UBE4B: variants seen among roughly 807,000 people sequenced by gnomAD.
UBE4B encodes ubiquitin conjugation factor E4 B.
Under a neutral mutation model 148.1 loss-of-function variants are expected in UBE4B, and 27 were observed. The ratio of observed to expected loss-of-function variants is 0.18; its 90% CI spans 0.13 to 0.25. The LOEUF (loss-of-function observed/expected upper bound fraction) is 0.25, where lower values mean the gene tolerates loss of function less well. UBE4B is among the 10% of genes least tolerant of loss of function. The pLI is 1.00. For missense variants in UBE4B, 1,170 were observed against 1,662.4 expected, an observed-to-expected ratio of 0.70 and a Z score of 5.15; for synonymous variants, 596 against 619.3, an observed-to-expected ratio of 0.96 and a Z score of 0.56.
At position 10,178,718 on chromosome 1, in the gene UBE4B, A is replaced by C. The variant is rs539805973; in HGVS notation, c.3600A>C (p.Ala1200=). Residue 1200 remains alanine (A), a synonymous_variant, in exon 26 of 28, where the codon GCA becomes GCC. Transcript: ENST00000343090. The part of the protein sequence containing the change: ...MRKAGIKSTI[A]IEKFKLLAEK... ...AGGCAGGGATCAAATCCACAATAGC[A>C]ATAGAAAAATTTAAGCTGCTCGCCG... The C allele has an allele frequency of 6.2e-7, 1 of 1,613,998 alleles. No individual in the cohort carries two copies. The highest frequency in any genetic ancestry group is 1.7e-5 in the Admixed American group (1 of 59,940).
chr1:10,061,437 A>C (rs1372491853), intron 1 of UBE4B, among the ~76,000 whole-genome samples: 1 of 151,898 alleles, frequency 6.6e-6, no homozygotes, highest in Non-Finnish European at 1.5e-5. Context: ...TATATTTTTT[A>C]TTAGAGACGG....
chr1:10,107,181 T>G lies in UBE4B; in HGVS notation c.1196+598T>G, dbSNP rs1645126911. On this transcript the variant is annotated intron_variant, in intron 7 of 27. Coordinates refer to ENST00000343090, the MANE Select transcript of UBE4B (RefSeq NM_001105562.3). Reference sequence around the variant, plus strand: ...AAAAGCTTCTCCCCGTCTTGTTTTTTCTTTGTTCTCTGATGGCCTTTTTTG... The same window carrying G: ...AAAAGCTTCTCCCCGTCTTGTTTTTGCTTTGTTCTCTGATGGCCTTTTTTG... 2.3e-6 allele frequency: 3 copies of G among 1,288,900 alleles called. No individual in the cohort carries two copies. The South Asian group carries it at 3.7e-5, about 16-fold the overall frequency. 79.8% of individuals were successfully genotyped at this position (1,288,900 alleles called of 1,614,324 possible).
At chr1:10,133,825 G>T (rs553693297) in intron 15 of UBE4B, among the ~76,000 whole-genome samples, 1 of 152,248 alleles carries the variant, frequency 6.6e-6, no homozygotes, top group Non-Finnish European at 1.5e-5. Flanking sequence ...TGAGGCAAGA[G>T]GATCACTTGA....
At chr1:10,098,802 C>G (rs536429180) in intron 3 of UBE4B, among the ~76,000 whole-genome samples, 15 of 152,294 alleles carry the variant, frequency 9.8e-5, no homozygotes, top group African/African-American at 2.4e-4. Context: ...CTCTCCTATT[C>G]AGTGGTGAGA....
intron 5 of UBE4B, among the ~76,000 whole-genome samples, chr1:10,104,346 C>A (rs906264140): frequency 2.0e-5 from 3 of 152,100 alleles, no homozygotes; most frequent in African/African-American, 7.2e-5. Flanking sequence ...ATTTGGAACG[C>A]AGAAGAGGTA....
At position 10,117,484 on chromosome 1, in the gene UBE4B, A is replaced by G. The variant is rs372287496; in HGVS notation, c.1222A>G (p.Asn408Asp). Residue 408 changes from asparagine to aspartate, a missense_variant, in exon 8 of 28, where the codon AAT (asparagine) becomes GAT (aspartate). Asn to Asp is a conservative substitution (Grantham distance 23). This residue lies in a region of UBE4B where 388 missense variants were observed against 536.0 expected (regional missense o/e 0.72). Transcript: ENST00000343090. ...TTTGGGAGCCTCTGGTGGAGCAAGTAATTGGGATTCCTACAGTGACCATTT... is the reference window on the plus strand; with the variant it reads ...TTTGGGAGCCTCTGGTGGAGCAAGTGATTGGGATTCCTACAGTGACCATTT... ...PSLGASGGASNWDSYSDHFTI... is the reference protein window; with the variant it reads ...PSLGASGGASDWDSYSDHFTI... 5 of 1,611,916 alleles carry G rather than the reference A, an allele frequency of 3.1e-6. No individual in the cohort carries two copies. Among genetic ancestry groups the G allele is most frequent in the East Asian group, 2.2e-5 (1 of 44,888 alleles).
chr1:10,091,817 C>T (rs564624773), intron 2 of UBE4B, among the ~76,000 whole-genome samples: 3 of 152,266 alleles, frequency 2.0e-5, no homozygotes, highest in African/African-American at 4.8e-5. Context: ...GTTGGTCAGG[C>T]TGGTCTCTAA....
intron 1 of UBE4B, among the ~76,000 whole-genome samples, chr1:10,057,222 G>C (rs1644190140): frequency 6.6e-6 from 1 of 152,028 alleles, no homozygotes; most frequent in Admixed American, 6.6e-5. Flanking sequence ...GTTCTCACCA[G>C]CTGGCAGAAT....
intron 1 of UBE4B, among the ~76,000 whole-genome samples, chr1:10,058,208 G>A (rs1235246138): frequency 6.6e-6 from 1 of 152,210 alleles, no homozygotes; most frequent in Admixed American, 6.5e-5. Flanking sequence ...ATTCTTTGGA[G>A]AAGAAATGTG....
At chr1:10,113,778 G>C (rs1430250885) in intron 7 of UBE4B, among the ~76,000 whole-genome samples, 5 of 151,840 alleles carry the variant, frequency 3.3e-5, no homozygotes, top group Non-Finnish European at 7.4e-5. Context: ...AACATAAGAT[G>C]CTTTTCGGCC....
intron 3 of UBE4B, among the ~76,000 whole-genome samples, chr1:10,095,875 G>A (rs1194320503): frequency 6.6e-6 from 1 of 152,178 alleles, no homozygotes; most frequent in African/African-American, 2.4e-5. Flanking sequence ...AGGTTCAAGT[G>A]ATTCTCCTGC....
chr1:10,103,626 GTTTTTGTTTTTTTT>G (rs1645053677), intron 5 of UBE4B, among the ~76,000 whole-genome samples: 1 of 117,080 alleles, frequency 8.5e-6, no homozygotes, highest in African/African-American at 3.2e-5. Flanking sequence ...TGTTTGTTTT[GTTTTTGTTTTTTTT>G]TTTTTTTTTG....
chr1:10,130,472 T>C lies in UBE4B; in HGVS notation c.1696-28T>C, dbSNP rs559691952. The C allele has an allele frequency of 2.6e-5, 41 of 1,600,952 alleles. 1 individual carries two copies. In the South Asian group the frequency reaches 4.0e-4, roughly 15 times the overall value. ...TTACCCCACCGGCCTGTTCAGCGGCTTGACTGGCTCTTCCATCTTCTGCCT... is the reference window on the plus strand; with the variant it reads ...TTACCCCACCGGCCTGTTCAGCGGCCTGACTGGCTCTTCCATCTTCTGCCT... On this transcript the variant is annotated intron_variant, in intron 12 of 27. Coordinates refer to ENST00000343090, the MANE Select transcript of UBE4B (RefSeq NM_001105562.3).
chr1:10,096,764 G>A (rs1368504469), intron 3 of UBE4B, among the ~76,000 whole-genome samples: 1 of 151,694 alleles, frequency 6.6e-6, no homozygotes, highest in Non-Finnish European at 1.5e-5. Context: ...TAAGGGGCTG[G>A]GCGTGGTGGC....
intron 25 of UBE4B, among the ~76,000 whole-genome samples, chr1:10,178,267 C>A (rs1397540035): frequency 3.3e-5 from 5 of 151,878 alleles, no homozygotes; most frequent in Non-Finnish European, 7.4e-5. Context: ...CACAGTGCCC[C>A]CCAAGGACTG....
intron 11 of UBE4B, among the ~76,000 whole-genome samples, chr1:10,127,401 A>G (rs1645519982): frequency 6.6e-6 from 1 of 152,232 alleles, no homozygotes; most frequent in African/African-American, 2.4e-5. Context: ...CACTTAGAGC[A>G]GGCATACATT....
intron 7 of UBE4B, among the ~76,000 whole-genome samples, chr1:10,114,947 A>C (rs1402838675): frequency 6.6e-6 from 1 of 152,028 alleles, no homozygotes; most frequent in Admixed American, 6.6e-5. Context: ...GACTCTGGCG[A>C]GGGCTTTGTA....
chr1:10,109,470 CT>C (rs956107119), intron 7 of UBE4B, among the ~76,000 whole-genome samples: 2 of 152,114 alleles, frequency 1.3e-5, no homozygotes, highest in Non-Finnish European at 2.9e-5. Context: ...TGATATGTCC[CT>C]TGTTGGCCGT....
Position 10,164,355 on chromosome 1 carries a change from A to G in UBE4B, c.3198+3069A>G, listed in dbSNP as rs1243047752. 2.7e-5 allele frequency among the ~76,000 whole-genome samples: 4 copies of G among 146,396 alleles called. No individual in the cohort carries two copies. In the East Asian group the frequency reaches 8.0e-4, roughly 29 times the overall value. On this transcript the variant is annotated intron_variant, in intron 23 of 27. Transcript: ENST00000343090. Reference sequence around the variant, plus strand: ...AGAGCGAGACTCCGTCTCAAAAAAGAAAAAAAAAAAGAAAGAAAGAGTCTT... The same window carrying G: ...AGAGCGAGACTCCGTCTCAAAAAAGGAAAAAAAAAAGAAAGAAAGAGTCTT...
Sources: allele counts gnomAD v4.1 joint callset (sites outside exome capture counted in the v4.1 genomes callset), GRCh38; gene constraint gnomAD v4.1.1; regional missense constraint gnomAD v4.1.1; transcripts MANE v1.5; gene names NCBI Gene and HGNC (gene_info 2026-07-23, HGNC 2026-07-21).